The following SLC25A17 variants were observed in gnomAD, a reference collection of about 807,000 sequenced individuals.
SLC25A17 encodes peroxisomal membrane protein PMP34.
In SLC25A17, 26 loss-of-function variants were observed where a neutral mutation model predicts 38.5. The observed-to-expected ratio is 0.68, with a 90% CI of 0.50 to 0.94. SLC25A17 has a LOEUF of 0.94. Among genes scored for constraint, SLC25A17 ranks in the 40% least tolerant of loss-of-function variants. The probability of loss-of-function intolerance (pLI) is 0.00; values close to 1 mark genes in which losing one functional copy is unlikely to be tolerated. For missense variants in SLC25A17, 333 were observed against 372.7 expected, an observed-to-expected ratio of 0.89 and a Z score of 0.88; for synonymous variants, 139 against 136.2, an observed-to-expected ratio of 1.02 and a Z score of -0.14.
chr22:40,815,743 A>G (rs953900896), intron 1 of SLC25A17, among the ~76,000 whole-genome samples: 2 of 152,230 alleles, frequency 1.3e-5, no homozygotes, highest in Non-Finnish European at 2.9e-5. Flanking sequence ...AGTTCGATTG[A>G]TGATGGCATT....
chr22:40,797,529 A>T (rs1169391550), intron 2 of SLC25A17, among the ~76,000 whole-genome samples: 2 of 152,206 alleles, frequency 1.3e-5, no homozygotes, highest in Non-Finnish European at 2.9e-5. Context: ...AAAAAGTCAT[A>T]TGGCTTCTTA....
At chr22:40,802,582 T>G (rs910852699) in intron 1 of SLC25A17, among the ~76,000 whole-genome samples, 2 of 151,926 alleles carry the variant, frequency 1.3e-5, no homozygotes, top group Non-Finnish European at 2.9e-5. Flanking sequence ...GAGGCGGAGG[T>G]TGCAGTGAGC....
intron 1 of SLC25A17, among the ~76,000 whole-genome samples, chr22:40,813,550 CCT>C (rs1340190053): frequency 6.9e-6 from 1 of 144,842 alleles, no homozygotes; most frequent in African/African-American, 2.6e-5. Context: ...AAAAAAATAC[CCT>C]CTCTATTAAA....
chr22:40,813,129 C>T (rs548083466), intron 1 of SLC25A17, among the ~76,000 whole-genome samples: 148 of 152,264 alleles, frequency 9.7e-4, no homozygotes, highest in African/African-American at 3.4e-3. Flanking sequence ...TATAGGTTTA[C>T]GTCCCAAGTA....
At chr22:40,801,087 G>C (rs1222135070) in intron 1 of SLC25A17, among the ~76,000 whole-genome samples, 2 of 144,438 alleles carry the variant, frequency 1.4e-5, no homozygotes, top group Non-Finnish European at 3.0e-5. Flanking sequence ...CTGGGCAAAA[G>C]AGACTCTGTC....
At chr22:40,808,901 C>T (rs2057553226) in intron 1 of SLC25A17, among the ~76,000 whole-genome samples, 1 of 152,128 alleles carries the variant, frequency 6.6e-6, no homozygotes, top group African/African-American at 2.4e-5. Context: ...CAGTGTGTAG[C>T]AAAATTTTCC....
chr22:40,801,673 T>C (rs1232317411), intron 1 of SLC25A17, among the ~76,000 whole-genome samples: 1 of 152,220 alleles, frequency 6.6e-6, no homozygotes, highest in Non-Finnish European at 1.5e-5. Flanking sequence ...GCATCCAGCA[T>C]CCTTGCTCAT....
intron 1 of SLC25A17, among the ~76,000 whole-genome samples, chr22:40,802,321 T>C (rs2057491159): frequency 6.6e-6 from 1 of 151,952 alleles, no homozygotes; most frequent in African/African-American, 2.4e-5. Flanking sequence ...AGCTCATTGG[T>C]CTATTACTAC....
rs6002154 is a variant in SLC25A17, at chr22:40,805,893, C to A, written c.55-6810G>T. Among the ~76,000 whole-genome samples the A allele has an allele frequency of 3.6e-3, 547 of 152,260 alleles. 5 individuals carry two copies. Among genetic ancestry groups the A allele is most frequent in the African/African-American group, 0.013 (526 of 41,536 alleles). ...AGCAGCAATAGAAAACTAATACAGC[C>A]GGATTACTATTACGCAAATTGTGGA... On this transcript the variant is annotated intron_variant, in intron 1 of 8. Transcript: ENST00000435456.
rs758616461 is a variant in SLC25A17 at position 40,792,570 on chromosome 22, G to C, written c.289C>G (p.Gln97Glu). 38 of 1,613,768 alleles carry C rather than the reference G, an allele frequency of 2.4e-5. No homozygotes were observed. The South Asian group carries it at 4.1e-4, about 17-fold the overall frequency. The change falls in exon 4 of 9, where the codon CAA (glutamine) becomes GAA (glutamate). Residue 97 changes from glutamine to glutamate, a missense_variant. By Grantham distance (29) the Gln-to-Glu change is conservative (BLOSUM62 2). Transcript: ENST00000435456. ...AGATCTTTTCCAGTGGTAGAATGTT[G>C]ACCTTTGACCCAGAGTGCTTTGAGG... ...NSLKALWVKGQHSTTGKDLVV... is the reference protein window; with the variant it reads ...NSLKALWVKGEHSTTGKDLVV...
At chr22:40,817,755 A>T (rs5750994) in intron 1 of SLC25A17, among the ~76,000 whole-genome samples, 3,881 of 152,208 alleles carry the variant, frequency 0.025, 75 homozygotes, top group Non-Finnish European at 0.042. Context: ...ATCACGTTTA[A>T]AGGTAAATCA....
At chr22:40,775,436 GTTTTTTTTTTTTTTTTTTTTTTTTT>G (rs71200615) in intron 7 of SLC25A17, among the ~76,000 whole-genome samples, 23 of 86,874 alleles carry the variant, frequency 2.6e-4, no homozygotes, top group African/African-American at 5.0e-4. Flanking sequence ...AGATCTGATG[GTTTTTTTTTTTTTTTTTTTTTTTTT>G]TTTTTTTTTT....
chr22:40,817,082 T>C (rs1400549512), intron 1 of SLC25A17: 1 of 152,208 alleles, frequency 6.6e-6, no homozygotes, highest in Non-Finnish European at 1.5e-5. Context: ...TCCCATCTTC[T>C]CACTTTCTTC....
chr22:40,779,324 C>T lies in SLC25A17; in HGVS notation c.335-199G>A. 11 of 1,409,480 alleles carry T rather than the reference C, an allele frequency of 7.8e-6. No individual in the cohort carries two copies. The South Asian group carries it at 1.4e-4, about 18-fold the overall frequency. The allele number at this position is 1,409,480 out of a possible 1,614,324, so 87.3% of individuals were successfully genotyped here. ...AGCGATTTGGAAGCTTTGCTGATAG[C>T]AAAATGGCTGGCGGCAGCAGCTCTC... On this transcript the variant is annotated intron_variant, in intron 4 of 8. Transcript: ENST00000435456.
At chr22:40,781,697 G>C (rs143432052) in intron 4 of SLC25A17, among the ~76,000 whole-genome samples, 9 of 152,262 alleles carry the variant, frequency 5.9e-5, no homozygotes, top group Admixed American at 2.0e-4. Context: ...AGCCAAAATA[G>C]ATGGAGGAGT....
intron 1 of SLC25A17, among the ~76,000 whole-genome samples, chr22:40,818,706 G>GA (rs397868143): frequency 0.042 from 3,881 of 92,994 alleles, 152 homozygotes; most frequent in African/African-American, 0.11. Context: ...ACCCTGTCCG[G>GA]AAAAAAAAAA....
intron 1 of SLC25A17, among the ~76,000 whole-genome samples, chr22:40,814,299 C>A (rs1309251162): frequency 1.3e-5 from 2 of 152,220 alleles, no homozygotes; most frequent in African/African-American, 2.4e-5. Context: ...GCTCTGCCCA[C>A]ATCAAGGATT....
At chr22:40,804,771 C>T (rs2057514647) in intron 1 of SLC25A17, among the ~76,000 whole-genome samples, 1 of 152,110 alleles carries the variant, frequency 6.6e-6, no homozygotes, top group Non-Finnish European at 1.5e-5. Context: ...GCAGGAGAGC[C>T]TCCGGGTCTG....
At chr22:40,798,988 G>T in intron 2 of SLC25A17, 35 bp downstream of exon 2, 6 of 1,378,536 alleles carry the variant, frequency 4.4e-6, no homozygotes, top group Non-Finnish European at 6.1e-6. Flanking sequence ...TTTGCTTCCT[G>T]ACACCATACA....
Sources: allele counts gnomAD v4.1 joint callset (sites outside exome capture counted in the v4.1 genomes callset), GRCh38; gene constraint gnomAD v4.1.1; transcripts MANE v1.5; gene names NCBI Gene and HGNC (gene_info 2026-07-23, HGNC 2026-07-21).